CFAP61: variants seen among roughly 807,000 people sequenced by gnomAD.
CFAP61 encodes the protein cilia and flagella associated protein 61, also known as cilia- and flagella-associated protein 61.
Under a neutral mutation model 135.6 loss-of-function variants are expected in CFAP61, and 107 were observed. That is an observed-to-expected ratio of 0.79 (90% CI 0.67 to 0.93). The LOEUF (loss-of-function observed/expected upper bound fraction) is 0.93, where lower values mean the gene tolerates loss of function less well. CFAP61 is among the 40% of genes least tolerant of loss of function. CFAP61 has a pLI of 0.00. For synonymous variants in CFAP61, 575 were observed against 578.5 expected, an observed-to-expected ratio of 0.99 and a Z score of 0.09; for missense variants, 1,507 against 1,556.2, an observed-to-expected ratio of 0.97 and a Z score of 0.53.
intron 25 of CFAP61, chr20:20,323,088 C>T: frequency 1.0e-6 from 1 of 985,410 alleles, no homozygotes; most frequent in Non-Finnish European, 1.2e-6. Flanking sequence ...GGGGCCTAGC[C>T]CCATACCTGT....
At chr20:20,294,215 A>G (rs942128125) in intron 24 of CFAP61, among the ~76,000 whole-genome samples, 1 of 152,244 alleles carries the variant, frequency 6.6e-6, no homozygotes, top group African/African-American at 2.4e-5. Flanking sequence ...GCCCTACGGC[A>G]TCACTTAGTG....
chr20:20,296,312 TTCCC>T (rs1433910989), intron 24 of CFAP61, among the ~76,000 whole-genome samples: 2 of 78,572 alleles, frequency 2.5e-5, no homozygotes, highest in Admixed American at 1.4e-4. Context: ...CCTTCCTTCC[TTCCC>T]TCCTTCCTTC....
At chr20:20,222,924 T>C (rs2048497464) in intron 17 of CFAP61, among the ~76,000 whole-genome samples, 1 of 152,218 alleles carries the variant, frequency 6.6e-6, no homozygotes, top group South Asian at 2.1e-4. Context: ...AAAAATTACA[T>C]TTATAAAGCA....
chr20:20,345,883 CTTTTTTTTTTTTTTTTTTT>C (rs756813997), intron 26 of CFAP61, among the ~76,000 whole-genome samples: 1 of 50,428 alleles, frequency 2.0e-5, no homozygotes, highest in African/African-American at 7.5e-5. Context: ...GATTGTGCCA[CTTTTTTTTTTTTTTTTTTT>C]TTTTTTTTTT....
At chr20:20,208,078 C>G (rs1189314009) in intron 17 of CFAP61, among the ~76,000 whole-genome samples, 1 of 152,176 alleles carries the variant, frequency 6.6e-6, no homozygotes, top group Non-Finnish European at 1.5e-5. Flanking sequence ...CGGATGATCT[C>G]CTTTCATTCT....
intron 24 of CFAP61, among the ~76,000 whole-genome samples, chr20:20,296,381 TCCCTCCC>T (rs2055591311): frequency 1.0e-5 from 1 of 99,522 alleles, no homozygotes; most frequent in African/African-American, 3.6e-5. Flanking sequence ...CCTCCTTCCC[TCCCTCCC>T]TCCTTCCTGC....
In CFAP61 at chr20:20,132,050, G is replaced by T. The variant is rs367623597; in HGVS notation, c.860-10807G>T. Among the ~76,000 whole-genome samples, 26 of 152,038 alleles carry T rather than the reference G, an allele frequency of 1.7e-4. No individual in the cohort carries two copies. In the South Asian group the frequency reaches 3.5e-3, roughly 21 times the overall value. On this transcript the variant is annotated intron_variant, in intron 8 of 26. Coordinates refer to ENST00000245957, the MANE Select transcript of CFAP61 (RefSeq NM_015585.4). ...CTAACTTATCTTGTGTAAATGAAAGGTTATACCTATTTAATAGCAACTCCC... is the reference window on the plus strand; with the variant it reads ...CTAACTTATCTTGTGTAAATGAAAGTTTATACCTATTTAATAGCAACTCCC...
At chr20:20,114,579 G>C (rs1343434217) in intron 8 of CFAP61, among the ~76,000 whole-genome samples, 2 of 151,970 alleles carry the variant, frequency 1.3e-5, no homozygotes, top group Non-Finnish European at 2.9e-5. Flanking sequence ...ATTGTTCATG[G>C]CTGTTATGTT....
intron 25 of CFAP61, among the ~76,000 whole-genome samples, chr20:20,333,814 CAGA>C (rs1433683430): frequency 1.3e-5 from 2 of 152,312 alleles, no homozygotes; most frequent in South Asian, 2.1e-4. Context: ...GATGAAGGCA[CAGA>C]AGGTCAGATT....
At position 20,199,428 on chromosome 20, in the gene CFAP61, A is replaced by G. The variant is rs76640682; in HGVS notation, c.1798-340A>G. 6.8e-3 allele frequency among the ~76,000 whole-genome samples: 1,035 copies of G among 152,300 alleles called. 33 individuals carry two copies. In the East Asian group the frequency reaches 0.095, roughly 14 times the overall value. The stretch of plus-strand genomic sequence containing the variant: ...TAACAGGATGCAGATAACACAGCTT[A>G]ATGGGGTCAGATCAAGCTGATGCAT... On this transcript the variant is annotated intron_variant, in intron 16 of 26. Coordinates refer to ENST00000245957, the MANE Select transcript of CFAP61 (RefSeq NM_015585.4).
Position 20,343,210 on chromosome 20 carries a change from G to A in CFAP61, c.3513+1289G>A, listed in dbSNP as rs1357160261. ...GTAACACAGCAAGCTTCACACTCCGGGGTGTCTCACCCCAAAGCTGGGAAC... is the reference window on the plus strand; with the variant it reads ...GTAACACAGCAAGCTTCACACTCCGAGGTGTCTCACCCCAAAGCTGGGAAC... On this transcript the variant is annotated intron_variant, in intron 26 of 26. Transcript: ENST00000245957. Among the ~76,000 whole-genome samples the A allele has an allele frequency of 2.0e-5, 3 of 152,156 alleles. 1 individual carries two copies. Among genetic ancestry groups the A allele is most frequent in the Admixed American group, 2.0e-4 (3 of 15,270 alleles).
At chr20:20,246,012 T>C (rs1482887661) in intron 18 of CFAP61, 105 bp from the exon 19 acceptor site, 6 of 704,452 alleles carry the variant, frequency 8.5e-6, no homozygotes, top group African/African-American at 7.2e-5. Context: ...CCAAAAGCAA[T>C]TCAACAGTTG....
intron 18 of CFAP61, among the ~76,000 whole-genome samples, chr20:20,233,780 C>T (rs772573582): frequency 4.6e-5 from 7 of 152,184 alleles, no homozygotes; most frequent in Admixed American, 2.6e-4. Flanking sequence ...CACCCCTGCT[C>T]GTTTCAGTAT....
chr20:20,257,246 A>G (rs1237803322), intron 20 of CFAP61, among the ~76,000 whole-genome samples: 5 of 152,224 alleles, frequency 3.3e-5, no homozygotes, highest in Non-Finnish European at 5.9e-5. Context: ...TCTTTTATAT[A>G]CAAGGCCTCA....
chr20:20,165,774 C>T (rs1013313692), intron 11 of CFAP61, among the ~76,000 whole-genome samples: 1 of 152,216 alleles, frequency 6.6e-6, no homozygotes, highest in African/African-American at 2.4e-5. Flanking sequence ...CCAGCATCCC[C>T]TGTTGTACTT....
chr20:20,134,174 A>ATCCACATAGACTTCATAGCC (rs1162222872), intron 8 of CFAP61, among the ~76,000 whole-genome samples: 1 of 152,236 alleles, frequency 6.6e-6, no homozygotes, highest in Non-Finnish European at 1.5e-5. Context: ...TCTTGAGAGC[A>ATCCACATAGACTTCATAGCC]TCCACATAGA....
chr20:20,316,221 G>C (rs929551565), intron 25 of CFAP61, among the ~76,000 whole-genome samples: 3 of 152,130 alleles, frequency 2.0e-5, no homozygotes, highest in African/African-American at 7.2e-5. Context: ...TCCTTGAGCA[G>C]TGGTTTGTAG....
chr20:20,059,575 A>C (rs150757770), intron 2 of CFAP61, among the ~76,000 whole-genome samples: 2,053 of 151,962 alleles, frequency 0.014, 43 homozygotes, highest in African/African-American at 0.047. Flanking sequence ...CCGAGATCGC[A>C]CCACTGCGCT....
chr20:20,078,928 C>A (rs981697894), intron 6 of CFAP61, among the ~76,000 whole-genome samples: 2 of 152,170 alleles, frequency 1.3e-5, no homozygotes, highest in African/African-American at 4.8e-5. Context: ...ACAGATCCTA[C>A]AGGCATTGAA....
Sources: gnomAD v4.1 joint callset for allele counts (sites outside exome capture counted in the v4.1 genomes callset) on GRCh38, gnomAD v4.1.1 for gene constraint, MANE v1.5 for transcripts, NCBI Gene and HGNC (gene_info 2026-07-23, HGNC 2026-07-21) for gene names.